CCDC136: variants seen among roughly 807,000 people sequenced by gnomAD.
The protein encoded by CCDC136 is coiled-coil domain containing 136, also known as coiled-coil domain-containing protein 136.
Under a neutral mutation model 141.2 loss-of-function variants are expected in CCDC136, and 100 were observed. That is an observed-to-expected ratio of 0.71 (90% CI 0.60 to 0.84). The LOEUF (loss-of-function observed/expected upper bound fraction) is 0.84, where lower values mean the gene tolerates loss of function less well. Among genes scored for constraint, CCDC136 ranks in the 40% least tolerant of loss-of-function variants. CCDC136 has a pLI of 0.00. For missense variants in CCDC136, 1,206 were observed against 1,379.4 expected (o/e 0.87, Z 1.99); for synonymous variants, 474 against 531.9 (o/e 0.89, Z 1.50).
intron 17 of CCDC136, 183 bp downstream of exon 17, chr7:128,818,047 T>C (rs1806916662): frequency 3.4e-6 from 2 of 582,432 alleles, no homozygotes; most frequent in Non-Finnish European, 6.1e-6. Context: ...CTCTGACATC[T>C]CTGAGCATGT....
At chr7:128,796,448 A>G (rs1020180912) in intron 3 of CCDC136, among the ~76,000 whole-genome samples, 4 of 152,070 alleles carry the variant, frequency 2.6e-5, no homozygotes, top group Non-Finnish European at 2.9e-5. Context: ...GTTCTGAGGC[A>G]GGCAGAGGCC....
chr7:128,812,226 G>A lies in CCDC136; in HGVS notation c.2455G>A (p.Gly819Ser), dbSNP rs756221252. 3.9e-5 allele frequency: 63 copies of A among 1,613,760 alleles called. No individual in the cohort carries two copies. In the South Asian group the frequency reaches 4.7e-4, roughly 12 times the overall value. The change falls in exon 13 of 18, where the codon GGC becomes AGC. Residue 819 changes from glycine (G) to serine (S), a missense_variant. Transcript: ENST00000297788. ...NSSITYKKSYGSTSSSDTCQK... is the reference protein window; with the variant it reads ...NSSITYKKSYSSTSSSDTCQK... ...CAGCATTACCTATAAGAAGAGTTACGGCAGCACCAGTAGCTCTGACACCTG... is the reference window on the plus strand; with the variant it reads ...CAGCATTACCTATAAGAAGAGTTACAGCAGCACCAGTAGCTCTGACACCTG...
In CCDC136 at chr7:128,794,756, C is replaced by T; in HGVS notation, c.334C>T (p.Gln112Ter). Residue 112 changes from glutamine to a stop codon, truncating the protein, a stop_gained, in exon 3 of 18, where the codon CAG becomes TAG. Transcript: ENST00000297788. LOFTEE classifies it high-confidence loss of function. This position sits in a 1 kb window ranked among gnomAD's most constrained non-coding sequence, Gnocchi z 4.3. Reference sequence around the variant, plus strand: ...GGCAGAGGTGTTCACCAAGCAGATCCAGCAGCTCCAAGGTAATTCCCAGGA... The same window carrying T: ...GGCAGAGGTGTTCACCAAGCAGATCTAGCAGCTCCAAGGTAATTCCCAGGA... ...QQAEVFTKQI[Q>*]QLQGELRSLR... The T allele has an allele frequency of 6.4e-7, 1 of 1,551,652 alleles. No individual in the cohort carries two copies. Among genetic ancestry groups the T allele is most frequent in the Non-Finnish European group, 8.7e-7 (1 of 1,146,922 alleles).
upstream of CCDC136, chr7:128,790,866 T>G (rs1413523775): frequency 6.6e-6 from 1 of 152,026 alleles, no homozygotes; most frequent in Non-Finnish European, 1.5e-5. This position sits in a 1 kb window ranked among gnomAD's most constrained non-coding sequence, Gnocchi z 5.4. Flanking sequence ...GTCAGGGCCC[T>G]GCCGTTCGCC....
Position 128,821,934 on chromosome 7 carries a change from G to A in CCDC136, c.*141G>A, listed in dbSNP as rs1459422558. ...ATGGCAGACCTTGGCCAGCGCGAGG[G>A]CAGATCCCCAGTGGCCACCACCCTC... On this transcript the variant is annotated 3_prime_UTR_variant, in exon 18 of 18. Coordinates refer to ENST00000297788, the MANE Select transcript of CCDC136 (RefSeq NM_022742.5). This position sits in a 1 kb window ranked among gnomAD's most constrained non-coding sequence, Gnocchi z 5.1. 1 of 1,289,708 alleles carries A rather than the reference G, an allele frequency of 7.8e-7. No homozygotes were observed. The highest frequency in any genetic ancestry group is 2.3e-5 in the Admixed American group (1 of 43,554). The allele number at this position is 1,289,708 out of a possible 1,614,324, so 79.9% of individuals were successfully genotyped here. A position where few individuals can be genotyped will look rare whatever the true frequency, so the allele number is the denominator to read the frequency against.
chr7:128,820,064 G>A (rs1807229131), intron 17 of CCDC136, among the ~76,000 whole-genome samples: 1 of 152,136 alleles, frequency 6.6e-6, no homozygotes, highest in African/African-American at 2.4e-5. Context: ...GTGTGTATGT[G>A]TTTTTAATCT....
chr7:128,792,067 C>T lies in CCDC136; in HGVS notation c.-345C>T. On this transcript the variant is annotated 5_prime_UTR_variant, in exon 1 of 18. It adds an upstream start codon to the 5' untranslated region. Transcript: ENST00000297788. The stretch of plus-strand genomic sequence containing the variant: ...CCTCCCTGTCCCCCCGGACTAAATA[C>T]GCACACCCCCTCTTTCTTTCTGTGC... 1 of 1,314,018 alleles carries T rather than the reference C, an allele frequency of 7.6e-7. No homozygotes were observed. The highest frequency in any genetic ancestry group is 9.7e-7 in the Non-Finnish European group (1 of 1,032,124). The allele number at this position is 1,314,018 out of a possible 1,614,324, so 81.4% of individuals were successfully genotyped here.
intron 12 of CCDC136, 141 bp from the exon 13 acceptor site, chr7:128,811,659 A>G: frequency 1.4e-6 from 1 of 735,920 alleles, no homozygotes; most frequent in Non-Finnish European, 2.2e-6. Flanking sequence ...AGGCTAAGTC[A>G]GAGACATAGG....
intron 8 of CCDC136, 28 bp from the exon 9 acceptor site, chr7:128,806,660 G>A: frequency 2.5e-6 from 4 of 1,595,502 alleles, no homozygotes; most frequent in Non-Finnish European, 3.4e-6. Flanking sequence ...GAGCCCAAAG[G>A]CACTGCCCAA....
chr7:128,803,160 A>G (rs559694191), intron 4 of CCDC136, among the ~76,000 whole-genome samples: 1 of 152,296 alleles, frequency 6.6e-6, no homozygotes, highest in South Asian at 2.1e-4. Flanking sequence ...GTTCTAAGAG[A>G]CATAATTCTT....
At position 128,811,854 on chromosome 7, in the gene CCDC136, G is replaced by C; in HGVS notation, c.2083G>C (p.Gly695Arg). 6.2e-7 allele frequency: 1 copy of C among 1,610,042 alleles called. No individual in the cohort carries two copies. The highest frequency in any genetic ancestry group is 8.5e-7 in the Non-Finnish European group (1 of 1,178,260). The change falls in exon 13 of 18, where the codon GGT becomes CGT. Residue 695 changes from glycine to arginine, a missense_variant. Gly to Arg is a moderately radical substitution (Grantham distance 125, BLOSUM62 -2). Transcript: ENST00000297788. ...MQALQVMYDA[G>R]QAKQELLQQE... is the part of the protein sequence containing the mutation. ...GGCCCTGCAGGTGATGTATGACGCC[G>C]GTCAGGCGAAGCAGGAGCTCTTGCA...
Position 128,817,095 on chromosome 7 carries a change from T to G in CCDC136, c.3364-663T>G, listed in dbSNP as rs75414624. Among the ~76,000 whole-genome samples, 6,665 of 152,322 alleles carry G rather than the reference T, an allele frequency of 0.044. 496 individuals carry two copies. Among genetic ancestry groups the G allele is most frequent in the African/African-American group, 0.15 (6,254 of 41,532 alleles). On this transcript the variant is annotated intron_variant, in intron 16 of 17. Transcript: ENST00000297788. This position sits in a 1 kb window ranked among gnomAD's most constrained non-coding sequence, Gnocchi z 4.6. ...TTTCTAAAGCTAGACCTGATTTTTC[T>G]ACTTCAAATATATTCTATGTTTCTA...
At chr7:128,792,547 G>GC (rs1316161613) in intron 1 of CCDC136, 120 bp downstream of exon 1, 33 of 710,114 alleles carry the variant, frequency 4.6e-5, no homozygotes, top group Non-Finnish European at 9.2e-6. Context: ...GTTCATCTTA[G>GC]CCCCTCTTCC....
chr7:128,801,298 G>A lies in CCDC136; in HGVS notation c.459G>A (p.Leu153=). 6.2e-7 allele frequency: 1 copy of A among 1,613,948 alleles called. No homozygotes were observed. Among genetic ancestry groups the A allele is most frequent in the Non-Finnish European group, 8.5e-7 (1 of 1,179,874 alleles). ...TGGCCCAGGCTGAGATCCAGAGTCT[G>A]CGGCAAGCAGCAGAGGATTCCGCAA... ...LHLAQAEIQS[L]RQAAEDSATE... Residue 153 remains leucine (L), a synonymous_variant, in exon 4 of 18, where the codon CTG becomes CTA. Transcript: ENST00000297788.
At chr7:128,795,782 T>C (rs1218402976) in intron 3 of CCDC136, among the ~76,000 whole-genome samples, 2 of 152,152 alleles carry the variant, frequency 1.3e-5, no homozygotes, top group African/African-American at 4.8e-5. Flanking sequence ...ATGGGACTAA[T>C]TTATTTATCA....
Position 128,821,748 on chromosome 7 carries a change from G to C in CCDC136, c.*6-51G>C. On this transcript the variant is annotated intron_variant, in intron 17 of 17. Transcript: ENST00000297788. This position sits in a 1 kb window ranked among gnomAD's most constrained non-coding sequence, Gnocchi z 5.1. Reference sequence around the variant, plus strand: ...CCATAGGCAGGTGACTTCTGGCTTAGGGCAGGGTTCAGGAGGCTGGGCACT... The same window carrying C: ...CCATAGGCAGGTGACTTCTGGCTTACGGCAGGGTTCAGGAGGCTGGGCACT... 1 of 1,285,960 alleles carries C rather than the reference G, an allele frequency of 7.8e-7. No individual in the cohort carries two copies. The highest frequency in any genetic ancestry group is 1.0e-6 in the Non-Finnish European group (1 of 985,124). 79.7% of individuals were successfully genotyped at this position (1,285,960 alleles called of 1,614,324 possible). A position where few individuals can be genotyped will look rare whatever the true frequency, so the allele number is the denominator to read the frequency against.
In CCDC136 at chr7:128,807,423, C is replaced by G; in HGVS notation, c.1483C>G (p.Leu495Val). The change falls in exon 10 of 18, where the codon CTG becomes GTG. Residue 495 changes from leucine to valine, a missense_variant. Physicochemically the swap from Leu to Val is conservative, Grantham distance 32 (BLOSUM62 1). Transcript: ENST00000297788. ...GCTGTACCAGGCCAGCAAGGACGAGCTGGAGCGGCAGAAGCACATGTATGA... is the reference window on the plus strand; with the variant it reads ...GCTGTACCAGGCCAGCAAGGACGAGGTGGAGCGGCAGAAGCACATGTATGA... ...KQLYQASKDE[L>V]ERQKHMYDQL... 1 of 1,580,160 alleles carries G rather than the reference C, an allele frequency of 6.3e-7. No homozygotes were observed. Among genetic ancestry groups the G allele is most frequent in the South Asian group, 1.2e-5 (1 of 85,228 alleles).
chr7:128,801,699 G>A (rs1285707367), intron 4 of CCDC136, among the ~76,000 whole-genome samples, 190 bp downstream of exon 4: 3 of 152,240 alleles, frequency 2.0e-5, no homozygotes, highest in East Asian at 3.8e-4. Context: ...GGGAGGCCAA[G>A]ATGGGAGGAT....
At chr7:128,808,503 GTTGAGCAC>G in intron 10 of CCDC136, 1 of 985,186 alleles carries the variant, frequency 1.0e-6, no homozygotes, top group Non-Finnish European at 1.2e-6. Flanking sequence ...CATTTATCCT[GTTGAGCAC>G]TTTCAGCTCC....
Sources: allele counts gnomAD v4.1 joint callset (sites outside exome capture counted in the v4.1 genomes callset), GRCh38; gene constraint gnomAD v4.1.1; non-coding constraint Gnocchi (gnomAD v3.1); transcripts MANE v1.5; gene names NCBI Gene and HGNC (gene_info 2026-07-23, HGNC 2026-07-21).